USPL1: variants seen among roughly 807,000 people sequenced by gnomAD.
The protein encoded by USPL1 is ubiquitin specific peptidase like 1, also known as SUMO-specific isopeptidase USPL1.
In USPL1, 27 loss-of-function variants were observed where a neutral mutation model predicts 51.5. The observed-to-expected ratio is 0.52, with a 90% CI of 0.39 to 0.72. The LOEUF (loss-of-function observed/expected upper bound fraction) is 0.72, where lower values mean the gene tolerates loss of function less well. Among genes scored for constraint, USPL1 ranks in the 30% least tolerant of loss-of-function variants. The probability of loss-of-function intolerance (pLI) is 0.00; values close to 1 mark genes in which losing one functional copy is unlikely to be tolerated. For synonymous variants in USPL1, 451 were observed against 459.6 expected (o/e 0.98, Z 0.24); for missense variants, 1,226 against 1,268.0 (o/e 0.97, Z 0.50).
chr13:30,621,958 GT>G (rs1158805981), intron 3 of USPL1, 66 bp downstream of exon 3: 5 of 1,151,984 alleles, frequency 4.3e-6, no homozygotes, highest in Non-Finnish European at 1.1e-6. Context: ...TTTATTAATT[GT>G]TTTAAAAGTT....
At chr13:30,653,422 C>A in intron 8 of USPL1, 117 bp downstream of exon 8, 1 of 1,046,396 alleles carries the variant, frequency 9.6e-7, no homozygotes, top group Non-Finnish European at 1.3e-6. Context: ...GACTCTTTCT[C>A]TCTCCATTCT....
chr13:30,628,333 T>C (rs1247952102), intron 3 of USPL1, among the ~76,000 whole-genome samples: 5 of 152,152 alleles, frequency 3.3e-5, no homozygotes, highest in Non-Finnish European at 7.3e-5. Context: ...TGGATGAATA[T>C]ACAGTTAGGA....
intron 6 of USPL1, 113 bp downstream of exon 6, chr13:30,642,870 G>C (rs1950967191): frequency 2.3e-6 from 3 of 1,284,856 alleles, no homozygotes; most frequent in Non-Finnish European, 2.1e-6. Flanking sequence ...AAACTGGAAG[G>C]GTCAAAACCT....
chr13:30,638,402 A>G (rs1355314121), intron 5 of USPL1, among the ~76,000 whole-genome samples: 2 of 152,080 alleles, frequency 1.3e-5, no homozygotes, highest in African/African-American at 4.8e-5. Flanking sequence ...TGGCCAGTGG[A>G]TATTAAGAGA....
At chr13:30,637,267 A>C (rs1347727152) in intron 4 of USPL1, among the ~76,000 whole-genome samples, 1 of 152,254 alleles carries the variant, frequency 6.6e-6, no homozygotes, top group Non-Finnish European at 1.5e-5. Context: ...AAAATGACAT[A>C]GAAGGGAAAT....
chr13:30,619,972 C>G (rs1593355527), intron 1 of USPL1, among the ~76,000 whole-genome samples: 3 of 152,320 alleles, frequency 2.0e-5, no homozygotes, highest in African/African-American at 7.2e-5. Flanking sequence ...GTGCATAGAA[C>G]AGCCTTCACA....
intron 4 of USPL1, among the ~76,000 whole-genome samples, chr13:30,636,647 A>G (rs1359761195): frequency 6.6e-6 from 1 of 152,268 alleles, no homozygotes; most frequent in Non-Finnish European, 1.5e-5. Context: ...TCAAAAACAT[A>G]GATATGTGTG....
intron 8 of USPL1, among the ~76,000 whole-genome samples, chr13:30,655,656 A>G (rs535278817): frequency 1.3e-5 from 2 of 152,206 alleles, no homozygotes; most frequent in African/African-American, 2.4e-5. Context: ...CGCACTTTCA[A>G]TATTTAAGTA....
Position 30,657,931 on chromosome 13 carries a change from A to C in USPL1, c.1854A>C (p.Gly618=). The change falls in exon 9 of 9, where the codon GGA becomes GGC. Residue 618 remains glycine (G), a synonymous_variant. Coordinates refer to ENST00000255304, the MANE Select transcript of USPL1 (RefSeq NM_005800.5). The stretch of plus-strand genomic sequence containing the variant: ...ATAAACCTGTAGCAGAAAATACAGG[A>C]ATTCTCAAAACCAATACTTTGCTAT... ...LENKPVAENT[G]ILKTNTLLSQ... is the part of the protein sequence containing the mutation. 1 of 1,613,886 alleles carries C rather than the reference A, an allele frequency of 6.2e-7. No individual in the cohort carries two copies. Among genetic ancestry groups the C allele is most frequent in the East Asian group, 2.2e-5 (1 of 44,878 alleles).
At chr13:30,655,078 C>T (rs1289223473) in intron 8 of USPL1, among the ~76,000 whole-genome samples, 1 of 151,862 alleles carries the variant, frequency 6.6e-6, no homozygotes, top group Non-Finnish European at 1.5e-5. Context: ...AGCCGGAATA[C>T]ACGCAGGCGC....
intron 1 of USPL1, among the ~76,000 whole-genome samples, chr13:30,618,806 T>C (rs1950606999): frequency 6.6e-6 from 1 of 152,162 alleles, no homozygotes; most frequent in Non-Finnish European, 1.5e-5. Flanking sequence ...GGTTTCACAG[T>C]ACAATGAGCT....
At chr13:30,656,873 CT>C (rs565210591) in intron 8 of USPL1, among the ~76,000 whole-genome samples, 685 of 141,512 alleles carry the variant, frequency 4.8e-3, no homozygotes, top group African/African-American at 5.4e-3. Context: ...TAATGGGTGT[CT>C]TTTTTTTTTT....
intron 1 of USPL1, among the ~76,000 whole-genome samples, chr13:30,619,351 C>T (rs1033711145): frequency 3.3e-5 from 5 of 152,140 alleles, no homozygotes; most frequent in Admixed American, 2.0e-4. Context: ...CAACCACCAA[C>T]CTATCTGGTT....
chr13:30,624,832 C>T (rs568037406), intron 3 of USPL1, among the ~76,000 whole-genome samples: 1 of 152,334 alleles, frequency 6.6e-6, no homozygotes, highest in African/African-American at 2.4e-5. Context: ...CAGCAACTGC[C>T]TGGTCCATCT....
intron 6 of USPL1, among the ~76,000 whole-genome samples, chr13:30,645,718 A>G (rs1951009721): frequency 6.6e-6 from 1 of 152,204 alleles, no homozygotes; most frequent in South Asian, 2.1e-4. Context: ...CAACTTGGAA[A>G]GTGTAACCCA....
chr13:30,652,006 C>T (rs779249202), intron 7 of USPL1, among the ~76,000 whole-genome samples: 21 of 151,742 alleles, frequency 1.4e-4, no homozygotes, highest in Admixed American at 2.0e-4. Flanking sequence ...CTGTGTGTCT[C>T]GCTATGAGAA....
intron 6 of USPL1, among the ~76,000 whole-genome samples, chr13:30,646,375 A>G (rs893604782): frequency 2.0e-5 from 3 of 152,192 alleles, no homozygotes; most frequent in Non-Finnish European, 2.9e-5. Context: ...TAAGGATTAA[A>G]AAAAGTTAAG....
At chr13:30,646,108 G>A (rs1951014528) in intron 6 of USPL1, among the ~76,000 whole-genome samples, 1 of 152,186 alleles carries the variant, frequency 6.6e-6, no homozygotes. Context: ...TTAACAGACA[G>A]TGCTTCCTCA....
chr13:30,627,939 A>G (rs2031279), intron 3 of USPL1, among the ~76,000 whole-genome samples: 72,836 of 151,026 alleles, frequency 0.48, 19,375 homozygotes, highest in African/African-American at 0.71. Flanking sequence ...GTGTAGTGGC[A>G]TGATCTCGGC....
Sources: allele counts gnomAD v4.1 joint callset (sites outside exome capture counted in the v4.1 genomes callset), GRCh38; gene constraint gnomAD v4.1.1; transcripts MANE v1.5; gene names NCBI Gene and HGNC (gene_info 2026-07-23, HGNC 2026-07-21).